HERC1: variants seen among roughly 807,000 people sequenced by gnomAD.
The protein encoded by HERC1 is HECT and RLD domain containing E3 ubiquitin protein ligase family member 1.
In HERC1, 160 loss-of-function variants were observed where a neutral mutation model predicts 554.3. That is an observed-to-expected ratio of 0.29 (90% CI 0.25 to 0.33). The LOEUF is 0.33. Ranked by LOEUF, HERC1 falls within the 10% of genes least tolerant of loss-of-function variation. HERC1 has a pLI of 1.00. For synonymous variants in HERC1, 2,175 were observed against 2,131.7 expected (o/e 1.02, Z -0.56); for missense variants, 4,919 against 5,918.5 (o/e 0.83, Z 5.54).
At chr15:63,767,007 G>GT (rs556722173) in intron 2 of HERC1, among the ~76,000 whole-genome samples, 3,093 of 120,372 alleles carry the variant, frequency 0.026, 90 homozygotes, top group African/African-American at 0.081. Flanking sequence ...TTTTTCATTT[G>GT]TTTTTTTTTT....
chr15:63,730,299 T>G (rs934644753), intron 14 of HERC1, among the ~76,000 whole-genome samples: 10 of 151,724 alleles, frequency 6.6e-5, no homozygotes, highest in Non-Finnish European at 1.5e-4. Flanking sequence ...TAAAAAAATT[T>G]TTTTTTTTAA....
At chr15:63,716,165 C>G (rs1392871922) in intron 22 of HERC1, 137 bp downstream of exon 22, 1 of 739,386 alleles carries the variant, frequency 1.4e-6, no homozygotes, top group Admixed American at 2.8e-5. Context: ...TCAGCTAATA[C>G]AAATTGAGAT....
At position 63,733,139 on chromosome 15, in the gene HERC1, G is replaced by A; in HGVS notation, c.2653C>T (p.Gln885Ter). The A allele has an allele frequency of 6.2e-7, 1 of 1,608,198 alleles. No individual in the cohort carries two copies. The highest frequency in any genetic ancestry group is 8.5e-7 in the Non-Finnish European group (1 of 1,174,648). Reference sequence around the variant, plus strand: ...AAACTTGTCAGGATGATATCCAGTTGCATTCTCTAAAGAACAATAAAATAG... The same window carrying A: ...AAACTTGTCAGGATGATATCCAGTTACATTCTCTAAAGAACAATAAAATAG... Reference protein sequence around the residue: ...WESLSKGQRMQLDIILTSLQD... With the variant: ...WESLSKGQRM The change falls in exon 14 of 78, where the codon CAA becomes TAA. Residue 885 changes from glutamine (Q) to a stop codon, truncating the protein, a stop_gained. Coordinates refer to ENST00000443617, the MANE Select transcript of HERC1 (RefSeq NM_003922.4). LOFTEE classifies it high-confidence loss of function.
At chr15:63,719,327 C>G (rs889628062) in intron 19 of HERC1, among the ~76,000 whole-genome samples, 1 of 152,146 alleles carries the variant, frequency 6.6e-6, no homozygotes, top group Non-Finnish European at 1.5e-5. Flanking sequence ...GAAAATGGGT[C>G]CCCTCAGAAA....
chr15:63,816,657 A>G (rs1330439698), intron 1 of HERC1, among the ~76,000 whole-genome samples: 1 of 152,198 alleles, frequency 6.6e-6, no homozygotes, highest in Non-Finnish European at 1.5e-5. Flanking sequence ...ACATTCCCAA[A>G]TTATCAATAA....
chr15:63,628,697 G>A lies in HERC1; in HGVS notation c.13085C>T (p.Pro4362Leu), dbSNP rs1331321377. ...RCHSAAWTAPPVPPRAPGVSV... is the reference protein window; with the variant it reads ...RCHSAAWTAPLVPPRAPGVSV... The stretch of plus-strand genomic sequence containing the variant: ...CTCACCTGGTGCTCTTGGTGGGACA[G>A]GTGGTGCTGTCCATGCAGCACTGTG... Residue 4362 changes from proline to leucine, a missense_variant, in exon 70 of 78, where the codon CCT becomes CTT. Physicochemically the swap from Pro to Leu is moderately conservative, Grantham distance 98 (BLOSUM62 -3). Transcript: ENST00000443617. 6.2e-7 allele frequency: 1 copy of A among 1,612,664 alleles called. No homozygotes were observed. The highest frequency in any genetic ancestry group is 8.5e-7 in the Non-Finnish European group (1 of 1,179,490).
intron 43 of HERC1, 105 bp from the exon 44 acceptor site, chr15:63,663,309 T>G (rs2070449745): frequency 1.1e-6 from 1 of 896,298 alleles, no homozygotes; most frequent in African/African-American, 1.7e-5. Context: ...CTATCTCAGT[T>G]GTCTTATTGG....
intron 19 of HERC1, among the ~76,000 whole-genome samples, chr15:63,720,363 T>A (rs148756062): frequency 6.6e-6 from 1 of 152,202 alleles, no homozygotes; most frequent in East Asian, 1.9e-4. Flanking sequence ...GGAGAGTTAT[T>A]GTCCACCCTG....
chr15:63,711,721 C>T (rs147504046), intron 24 of HERC1, among the ~76,000 whole-genome samples: 1 of 152,328 alleles, frequency 6.6e-6, no homozygotes, highest in Non-Finnish European at 1.5e-5. Context: ...TAGCATTTCT[C>T]TATGAGCTGT....
intron 44 of HERC1, 123 bp from the exon 45 acceptor site, chr15:63,662,144 T>C (rs751164660): frequency 1.6e-4 from 166 of 1,043,880 alleles, no homozygotes; most frequent in Middle Eastern, 1.3e-3. Context: ...ACATGTTCAT[T>C]AATGCTAAAT....
At chr15:63,776,255 T>C (rs2076111011) in intron 1 of HERC1, among the ~76,000 whole-genome samples, 1 of 152,070 alleles carries the variant, frequency 6.6e-6, no homozygotes, top group South Asian at 2.1e-4. Flanking sequence ...TTGGTTATGG[T>C]TGGATATCTC....
intron 2 of HERC1, among the ~76,000 whole-genome samples, chr15:63,765,054 T>G (rs942947241): frequency 1.3e-5 from 2 of 152,192 alleles, no homozygotes; most frequent in African/African-American, 4.8e-5. Context: ...ACGGCTGACT[T>G]ATGCAAGAAG....
chr15:63,642,830 T>G lies in HERC1; in HGVS notation c.11433+127A>C, dbSNP rs1566965579. 1.4e-5 allele frequency: 9 copies of G among 630,336 alleles called. No homozygotes were observed. The Admixed American group carries it at 1.6e-4, about 11-fold the overall frequency. 39.0% of individuals were successfully genotyped at this position (630,336 alleles called of 1,614,324 possible). On this transcript the variant is annotated intron_variant, in intron 59 of 77. Transcript: ENST00000443617. ...TCCTTCTGCTACTAAATAGTTGCAC[T>G]GTTTTGGACAAGTAGTAATCCCTCT...
chr15:63,792,174 T>C (rs2076672973), intron 1 of HERC1, among the ~76,000 whole-genome samples: 1 of 152,202 alleles, frequency 6.6e-6, no homozygotes, highest in Admixed American at 6.5e-5. Flanking sequence ...ATTCAATAAA[T>C]ATTAGATGGT....
Position 63,692,603 on chromosome 15 carries a change from G to A in HERC1, c.5675-37C>T, listed in dbSNP as rs771099922. ...AGACAAGTTTACGTTACAACCAAGA[G>A]CCAACAAGAAATAGTCTTATATCAC... On this transcript the variant is annotated intron_variant, in intron 30 of 77. Coordinates refer to ENST00000443617, the MANE Select transcript of HERC1 (RefSeq NM_003922.4). The surrounding 1 kb of genome is among the most constrained non-coding windows in gnomAD (Gnocchi z 4.7). The A allele has an allele frequency of 7.1e-6, 11 of 1,541,518 alleles. No individual in the cohort carries two copies. The highest frequency in any genetic ancestry group is 9.6e-6 in the Non-Finnish European group (11 of 1,145,646).
At chr15:63,825,409 CTA>C (rs1201192495) in intron 1 of HERC1, among the ~76,000 whole-genome samples, 1 of 152,124 alleles carries the variant, frequency 6.6e-6, no homozygotes, top group Non-Finnish European at 1.5e-5. Context: ...AAAAAAGTAA[CTA>C]TGTGAGATGA....
intron 74 of HERC1, 63 bp from the exon 75 acceptor site, chr15:63,616,745 C>T: frequency 6.9e-7 from 1 of 1,451,720 alleles, no homozygotes. Flanking sequence ...AATAAGTTAG[C>T]AACAACAGCT....
intron 1 of HERC1, among the ~76,000 whole-genome samples, chr15:63,797,242 T>C (rs2076840013): frequency 6.6e-6 from 1 of 152,146 alleles, no homozygotes; most frequent in African/African-American, 2.4e-5. Flanking sequence ...GTAGGCATAG[T>C]TTCTATCATC....
At chr15:63,652,094 C>T (rs921527578) in intron 52 of HERC1, among the ~76,000 whole-genome samples, 4 of 152,076 alleles carry the variant, frequency 2.6e-5, no homozygotes, top group Non-Finnish European at 2.9e-5. Flanking sequence ...CATTCTGATA[C>T]GGAAGCAATA....
Sources: gnomAD v4.1 joint callset for allele counts (sites outside exome capture counted in the v4.1 genomes callset) on GRCh38, gnomAD v4.1.1 for gene constraint, Gnocchi (gnomAD v3.1) non-coding constraint, MANE v1.5 for transcripts, NCBI Gene and HGNC (gene_info 2026-07-23, HGNC 2026-07-21) for gene names.